Variants in MYO3B observed in about 807,000 individuals in gnomAD.
MYO3B encodes myosin-IIIb.
A neutral mutation model predicts 174.6 loss-of-function variants in MYO3B; 156 were observed. The ratio of observed to expected loss-of-function variants is 0.89; its 90% CI spans 0.78 to 1.02. The LOEUF is 1.02. Ranked by LOEUF, MYO3B falls within the 50% of genes least tolerant of loss-of-function variation. The pLI, the probability that MYO3B is intolerant of heterozygous loss-of-function variation, is 0.00. For synonymous variants in MYO3B, 563 were observed against 569.1 expected (o/e 0.99, Z 0.15); for missense variants, 1,632 against 1,639.4 (o/e 1.00, Z 0.08).
At chr2:170,304,482 T>C (rs1451276695) in intron 7 of MYO3B, among the ~76,000 whole-genome samples, 1 of 150,288 alleles carries the variant, frequency 6.7e-6, no homozygotes, top group Non-Finnish European at 1.5e-5. Flanking sequence ...TTTTTTTTTT[T>C]GAGACAGAGT....
chr2:170,253,908 T>C (rs371206681), intron 7 of MYO3B, among the ~76,000 whole-genome samples: 1 of 151,656 alleles, frequency 6.6e-6, no homozygotes, highest in African/African-American at 2.4e-5. Context: ...GGGCGGGCAG[T>C]GATAAGACGG....
At chr2:170,236,775 G>A (rs1160956635) in intron 7 of MYO3B, among the ~76,000 whole-genome samples, 1 of 152,182 alleles carries the variant, frequency 6.6e-6, no homozygotes, top group South Asian at 2.1e-4. Context: ...GGAATATGAA[G>A]CTATCCAGGG....
chr2:170,454,869 G>A (rs1339850616), intron 23 of MYO3B, among the ~76,000 whole-genome samples: 1 of 152,118 alleles, frequency 6.6e-6, no homozygotes, highest in African/African-American at 2.4e-5. Context: ...GTGGGTAGGG[G>A]GGACAGTGCA....
At chr2:170,400,845 T>G (rs2094471469) in intron 17 of MYO3B, among the ~76,000 whole-genome samples, 1 of 152,098 alleles carries the variant, frequency 6.6e-6, no homozygotes. Flanking sequence ...TTCTTTTTTT[T>G]TTCGAGGCGG....
At chr2:170,227,142 A>G (rs573731998) in intron 6 of MYO3B, among the ~76,000 whole-genome samples, 10 of 152,354 alleles carry the variant, frequency 6.6e-5, no homozygotes, top group South Asian at 2.1e-4. Context: ...CTGAGCCACC[A>G]TGAGAGCAAA....
intron 32 of MYO3B, among the ~76,000 whole-genome samples, chr2:170,587,703 A>G (rs550469552): frequency 6.6e-6 from 1 of 152,374 alleles, no homozygotes; most frequent in East Asian, 1.9e-4. Flanking sequence ...CATAATGATC[A>G]CAGCCCAGGC....
At chr2:170,341,492 A>C (rs2093976428) in intron 8 of MYO3B, 1 of 152,230 alleles carries the variant, frequency 6.6e-6, no homozygotes, top group African/African-American at 2.4e-5. Context: ...ATTTTAATTA[A>C]AATGAGCAGT....
chr2:170,279,417 G>T (rs2093489072), intron 7 of MYO3B, among the ~76,000 whole-genome samples: 1 of 151,650 alleles, frequency 6.6e-6, no homozygotes, highest in Admixed American at 6.6e-5. Flanking sequence ...ATTACCCCTT[G>T]GTATGTCTTT....
chr2:170,517,929 T>A (rs1343256182), intron 29 of MYO3B, among the ~76,000 whole-genome samples: 1 of 152,172 alleles, frequency 6.6e-6, no homozygotes, highest in Non-Finnish European at 1.5e-5. Context: ...GTGGCTATTT[T>A]TCTTTATTTC....
chr2:170,543,710 C>G (rs1690276593), intron 31 of MYO3B, among the ~76,000 whole-genome samples, 182 bp from the exon 32 acceptor site: 1 of 152,058 alleles, frequency 6.6e-6, no homozygotes, highest in South Asian at 2.1e-4. Context: ...TCTAATTGCC[C>G]CAAGGAGAGG....
intron 30 of MYO3B, among the ~76,000 whole-genome samples, chr2:170,528,101 T>C (rs530151867): frequency 6.6e-6 from 1 of 152,374 alleles, no homozygotes; most frequent in African/African-American, 2.4e-5. Context: ...GCTAGCTTTC[T>C]CAAAAAGTCG....
chr2:170,564,140 T>C (rs1223730062), intron 32 of MYO3B, among the ~76,000 whole-genome samples: 2 of 152,208 alleles, frequency 1.3e-5, no homozygotes, highest in Admixed American at 6.5e-5. Flanking sequence ...TATCAAGACC[T>C]GCAGGCAAGA....
chr2:170,349,012 T>G (rs546308054), intron 8 of MYO3B, among the ~76,000 whole-genome samples: 17 of 152,332 alleles, frequency 1.1e-4, no homozygotes, highest in African/African-American at 4.1e-4. Flanking sequence ...ACAGTCAGTG[T>G]GATCTTTCTG....
At chr2:170,214,926 C>G (rs1364910233) in intron 5 of MYO3B, 98 bp downstream of exon 5, 4 of 906,440 alleles carry the variant, frequency 4.4e-6, no homozygotes, top group Non-Finnish European at 7.0e-6. Context: ...TCTGCTACAC[C>G]ATAGGCTGAG....
chr2:170,370,991 G>A (rs1235399249), intron 9 of MYO3B, among the ~76,000 whole-genome samples: 2 of 151,536 alleles, frequency 1.3e-5, no homozygotes, highest in Admixed American at 6.6e-5. Context: ...GGCCGAGGTG[G>A]ATGAATCACA....
At chr2:170,383,650 A>G (rs2094352199) in intron 11 of MYO3B, 60 bp from the exon 12 acceptor site, 5 of 1,277,802 alleles carry the variant, frequency 3.9e-6, no homozygotes, top group South Asian at 3.6e-5. Context: ...TTCATGGGCA[A>G]TAGGTAGTGG....
At chr2:170,223,913 A>C (rs2092926037) in intron 6 of MYO3B, among the ~76,000 whole-genome samples, 1 of 152,194 alleles carries the variant, frequency 6.6e-6, no homozygotes, top group South Asian at 2.1e-4. Context: ...AAGATATTAA[A>C]CTATTCATTC....
At chr2:170,637,248 T>G (rs921845407) in intron 32 of MYO3B, among the ~76,000 whole-genome samples, 1 of 150,346 alleles carries the variant, frequency 6.7e-6, no homozygotes, top group Middle Eastern at 3.2e-3. Flanking sequence ...CTTGGCTCAC[T>G]GCAACCTCTG....
At chr2:170,635,582 G>A (rs1199203468) in intron 32 of MYO3B, among the ~76,000 whole-genome samples, 1 of 152,090 alleles carries the variant, frequency 6.6e-6, no homozygotes, top group Admixed American at 6.5e-5. Context: ...CCTGCACATT[G>A]TGTACATGTA....
Sources: gnomAD v4.1 joint callset for allele counts (sites outside exome capture counted in the v4.1 genomes callset) on GRCh38, gnomAD v4.1.1 for gene constraint, MANE v1.5 for transcripts, NCBI Gene and HGNC (gene_info 2026-07-23, HGNC 2026-07-21) for gene names.